Variants in LRP1B observed in about 807,000 individuals in gnomAD.
The protein encoded by LRP1B is LDL receptor related protein 1B.
Under a neutral mutation model 556.6 loss-of-function variants are expected in LRP1B, and 217 were observed. The ratio of observed to expected loss-of-function variants is 0.39; its 90% CI spans 0.35 to 0.44. The LOEUF (loss-of-function observed/expected upper bound fraction) is 0.44. LRP1B is among the 20% of genes least tolerant of loss of function. The pLI, the probability that LRP1B is intolerant of heterozygous loss-of-function variation, is 1.00. For synonymous variants in LRP1B, 2,047 were observed against 1,865.8 expected (o/e 1.10, Z -2.50); for missense variants, 5,053 against 5,620.8 (o/e 0.90, Z 3.23).
intron 62 of LRP1B, 75 bp from the exon 63 acceptor site, chr2:140,450,736 A>G: frequency 1.0e-6 from 1 of 998,586 alleles, no homozygotes; most frequent in Admixed American, 2.3e-5. Flanking sequence ...AAATTTGGCA[A>G]CACAGCCTAG....
At chr2:141,676,027 G>T (rs956768836) in intron 2 of LRP1B, among the ~76,000 whole-genome samples, 1 of 151,968 alleles carries the variant, frequency 6.6e-6, no homozygotes, top group Non-Finnish European at 1.5e-5. Flanking sequence ...AGGTGGTCTT[G>T]CTTCTTCAAA....
At chr2:140,986,663 T>A (rs1327664800) in intron 17 of LRP1B, among the ~76,000 whole-genome samples, 5 of 152,180 alleles carry the variant, frequency 3.3e-5, no homozygotes, top group African/African-American at 1.2e-4. Context: ...ACTCTTCCCA[T>A]GTGCTTCCAT....
intron 1 of LRP1B, among the ~76,000 whole-genome samples, chr2:142,059,497 A>G (rs1704816559): frequency 6.6e-6 from 1 of 151,894 alleles, no homozygotes; most frequent in South Asian, 2.1e-4. Flanking sequence ...GAATCTATGA[A>G]GTTGCAACCC....
At chr2:141,617,010 A>C (rs1218573235) in intron 2 of LRP1B, among the ~76,000 whole-genome samples, 1 of 152,210 alleles carries the variant, frequency 6.6e-6, no homozygotes, top group African/African-American at 2.4e-5. Context: ...TTGCATAAAC[A>C]TTAATCCATC....
chr2:140,446,104 GTTAA>G (rs981763194), intron 63 of LRP1B, among the ~76,000 whole-genome samples: 87 of 152,128 alleles, frequency 5.7e-4, no homozygotes, highest in Non-Finnish European at 9.9e-4. Flanking sequence ...ATAACATTTT[GTTAA>G]TTAATAATAC....
At chr2:140,410,111 C>T (rs189769953) in intron 66 of LRP1B, among the ~76,000 whole-genome samples, 35 of 152,128 alleles carry the variant, frequency 2.3e-4, no homozygotes, top group African/African-American at 8.4e-4. Context: ...GCAAAGCCCT[C>T]ATGACAAGAT....
intron 3 of LRP1B, among the ~76,000 whole-genome samples, chr2:141,272,956 TA>T (rs1685142387): frequency 6.6e-6 from 1 of 152,172 alleles, no homozygotes; most frequent in African/African-American, 2.4e-5. Flanking sequence ...AGCAACATTA[TA>T]AACAACTAGA....
chr2:141,306,516 C>T (rs1686594390), intron 3 of LRP1B, among the ~76,000 whole-genome samples: 1 of 151,766 alleles, frequency 6.6e-6, no homozygotes, highest in Non-Finnish European at 1.5e-5. Context: ...TTGGGTCTTC[C>T]CTCTTTTTCT....
rs1188143823 is a variant in LRP1B, at chr2:142,130,852, A to G, written c.-123T>C. The G allele has an allele frequency of 1.3e-6, 1 of 775,426 alleles. No homozygotes were observed. The highest frequency in any genetic ancestry group is 2.2e-6 in the Non-Finnish European group (1 of 446,928). 48.0% of individuals were successfully genotyped at this position (775,426 alleles called of 1,614,324 possible). On this transcript the variant is annotated 5_prime_UTR_variant, in exon 1 of 91. Transcript: ENST00000389484. Reference sequence around the variant, plus strand: ...TCGAGCGGCGTCATTTACAAATGTCACTGGAAATTCTTCAGCTCAATGAGT... The same window carrying G: ...TCGAGCGGCGTCATTTACAAATGTCGCTGGAAATTCTTCAGCTCAATGAGT...
chr2:141,952,587 G>A (rs1025963387), intron 1 of LRP1B, among the ~76,000 whole-genome samples: 4 of 152,078 alleles, frequency 2.6e-5, no homozygotes, highest in Non-Finnish European at 1.5e-5. Flanking sequence ...CTTTTAAAGA[G>A]AGAGGCTTTA....
intron 3 of LRP1B, among the ~76,000 whole-genome samples, chr2:141,418,974 T>C (rs889053910): frequency 6.6e-6 from 1 of 152,120 alleles, no homozygotes; most frequent in East Asian, 1.9e-4. Context: ...AATGCTATTA[T>C]AAATGGGATT....
intron 17 of LRP1B, among the ~76,000 whole-genome samples, chr2:140,989,228 A>T (rs1423616659): frequency 1.3e-5 from 2 of 152,120 alleles, no homozygotes; most frequent in African/African-American, 2.4e-5. Context: ...GCTAGCAAAC[A>T]TCAACCTCCA....
At chr2:141,104,236 A>G (rs1700547726) in intron 7 of LRP1B, among the ~76,000 whole-genome samples, 1 of 152,038 alleles carries the variant, frequency 6.6e-6, no homozygotes, top group East Asian at 1.9e-4. Flanking sequence ...GGATTATGGC[A>G]TATGTATCCC....
chr2:141,912,372 G>A, intron 1 of LRP1B, among the ~76,000 whole-genome samples: 1 of 152,016 alleles, frequency 6.6e-6, no homozygotes, highest in African/African-American at 2.4e-5. Context: ...ATTCTTTCTT[G>A]GCATTTAGGA....
rs74782752 is a variant in LRP1B, at chr2:140,814,936, A to T, written c.5210-1130T>A. The stretch of plus-strand genomic sequence containing the variant: ...TTTTTGTTTGCTAAAGGTCCTTGGC[A>T]CACATCTACTTAACTACTGGCATGC... On this transcript the variant is annotated intron_variant, in intron 31 of 90. Transcript: ENST00000389484. Among the ~76,000 whole-genome samples the T allele has an allele frequency of 0.013, 2,012 of 152,246 alleles. 112 individuals carry two copies. The East Asian group carries it at 0.17, about 13-fold the overall frequency.
At chr2:141,324,236 A>C (rs1687358193) in intron 3 of LRP1B, among the ~76,000 whole-genome samples, 1 of 152,110 alleles carries the variant, frequency 6.6e-6, no homozygotes, top group Non-Finnish European at 1.5e-5. Context: ...CAGCAGCATA[A>C]ACAATAATAG....
At chr2:142,130,235 G>A (rs1247979081) in intron 1 of LRP1B, among the ~76,000 whole-genome samples, 1 of 152,242 alleles carries the variant, frequency 6.6e-6, no homozygotes, top group African/African-American at 2.4e-5. Context: ...TGGGAGCTAA[G>A]TTGAGGGCGG....
In LRP1B at chr2:142,034,284, C is replaced by T. The variant is rs1398367695; in HGVS notation, c.82+96364G>A. On this transcript the variant is annotated intron_variant, in intron 1 of 90. Coordinates refer to ENST00000389484, the MANE Select transcript of LRP1B (RefSeq NM_018557.3). ...TCAGATATATTTTATGGTGCATTTT[C>T]GAATAAACTATTAATATTTTAATAT... 5.3e-5 allele frequency among the ~76,000 whole-genome samples: 8 copies of T among 151,770 alleles called. 1 individual carries two copies. The highest frequency in any genetic ancestry group is 2.1e-4 in the South Asian group (1 of 4,814).
At chr2:142,125,642 G>A (rs1707615167) in intron 1 of LRP1B, among the ~76,000 whole-genome samples, 1 of 151,644 alleles carries the variant, frequency 6.6e-6, no homozygotes, top group South Asian at 2.1e-4. Context: ...TGTTCCCAAG[G>A]CCTATAGACT....
Sources: gnomAD v4.1 joint callset for allele counts (sites outside exome capture counted in the v4.1 genomes callset) on GRCh38, gnomAD v4.1.1 for gene constraint, MANE v1.5 for transcripts, NCBI Gene and HGNC (gene_info 2026-07-23, HGNC 2026-07-21) for gene names.